Variants in CELF2 observed in about 807,000 individuals in gnomAD.
CELF2 encodes CUG triplet repeat RNA-binding protein 2.
CELF2 carries 8 observed loss-of-function variants against 62.6 expected under a neutral mutation model. The ratio of observed to expected loss-of-function variants is 0.13; its 90% CI spans 0.07 to 0.23. CELF2 has a LOEUF of 0.23. CELF2 is among the 10% of genes least tolerant of loss of function. CELF2 has a pLI of 1.00. For synonymous variants in CELF2, 258 were observed against 250.0 expected (o/e 1.03, Z -0.30); for missense variants, 333 against 671.0 (o/e 0.50, Z 5.56).
chr10:11,241,992 G>A (rs1330488795), intron 3 of CELF2, among the ~76,000 whole-genome samples: 1 of 152,138 alleles, frequency 6.6e-6, no homozygotes, highest in Non-Finnish European at 1.5e-5. Context: ...TGATTTTTGT[G>A]TTGTCATGGA....
At chr10:10,884,123 G>A (rs1056597368) in intron 1 of CELF2, among the ~76,000 whole-genome samples, 2 of 151,984 alleles carry the variant, frequency 1.3e-5, no homozygotes, top group Admixed American at 1.3e-4. Context: ...TGTTTCCATT[G>A]TAAATGGAAA....
rs918631068 is a variant in CELF2, at chr10:11,171,831, C to A, written c.271+6149C>A. 4.6e-4 allele frequency among the ~76,000 whole-genome samples: 65 copies of A among 141,036 alleles called. 1 individual carries two copies. The highest frequency in any genetic ancestry group is 1.7e-3 in the African/African-American group (64 of 37,286). 92.5% of individuals were successfully genotyped at this position (141,036 alleles called of 152,430 possible). ...GGTCTAAAGCGGGTTGATCATCTTA[C>A]AAACCATTTGTTTCTTCTTTAAAAT... On this transcript the variant is annotated intron_variant, in intron 2 of 12. Coordinates refer to ENST00000633077, the MANE Select transcript of CELF2 (RefSeq NM_001326342.2).
At position 10,934,246 on chromosome 10, in the gene CELF2, T is replaced by C. The variant is rs2066401042; in HGVS notation, c.89+14247T>C. Reference sequence around the variant, plus strand: ...AATTCAAAGAGCACGTTAGCAAGGTTAATCTGATGGTAATCTGTAACATCT... The same window carrying C: ...AATTCAAAGAGCACGTTAGCAAGGTCAATCTGATGGTAATCTGTAACATCT... On this transcript the variant is annotated intron_variant, in intron 2 of 13. Transcript: ENST00000636488. The surrounding 1 kb of genome is among the most constrained non-coding windows in gnomAD (Gnocchi z 4.4). Among the ~76,000 whole-genome samples, 1 of 152,232 alleles carries C rather than the reference T, an allele frequency of 6.6e-6. No homozygotes were observed. Among genetic ancestry groups the C allele is most frequent in the Non-Finnish European group, 1.5e-5 (1 of 68,046 alleles).
chr10:10,542,871 T>A, the CELF2 span, among the ~76,000 whole-genome samples: 3 of 152,200 alleles, frequency 2.0e-5, no homozygotes, highest in Non-Finnish European at 4.4e-5. Context: ...CTAGATAGTG[T>A]GTTGGTCTCC....
chr10:10,769,200 T>G, the CELF2 span, among the ~76,000 whole-genome samples: 1 of 152,190 alleles, frequency 6.6e-6, no homozygotes, highest in African/African-American at 2.4e-5. Context: ...CTTTTCCTGA[T>G]GAACTCAAAG....
chr10:10,702,578 T>C, the CELF2 span, among the ~76,000 whole-genome samples: 1 of 152,304 alleles, frequency 6.6e-6, no homozygotes, highest in East Asian at 1.9e-4. Context: ...GTAACAAAAT[T>C]TTATTAGAAC....
chr10:10,959,349 CTTATCAG>C (rs1234331622), intron 2 of CELF2, among the ~76,000 whole-genome samples: 1 of 152,156 alleles, frequency 6.6e-6, no homozygotes, highest in African/African-American at 2.4e-5. Flanking sequence ...GGAATCTGTG[CTTATCAG>C]TTATCAAAGT....
the CELF2 span, among the ~76,000 whole-genome samples, chr10:10,570,529 G>A: frequency 2.6e-5 from 4 of 151,944 alleles, no homozygotes; most frequent in Non-Finnish European, 5.9e-5. Context: ...TTACTAAAAT[G>A]TAAAGAAAAA....
intron 2 of CELF2, among the ~76,000 whole-genome samples, chr10:11,197,720 T>C (rs1189643318): frequency 6.6e-6 from 1 of 152,250 alleles, no homozygotes; most frequent in Non-Finnish European, 1.5e-5. Context: ...CTTCCATCTT[T>C]ATTCCCAAAT....
chr10:10,926,068 G>T (rs1026667229), intron 2 of CELF2, among the ~76,000 whole-genome samples: 4 of 152,106 alleles, frequency 2.6e-5, no homozygotes, highest in Non-Finnish European at 5.9e-5. Flanking sequence ...CCATTGAAAA[G>T]CCTCGGTAGT....
chr10:11,308,572 G>A (rs1285971310), intron 9 of CELF2, among the ~76,000 whole-genome samples: 5 of 152,020 alleles, frequency 3.3e-5, no homozygotes, highest in Non-Finnish European at 7.4e-5. Context: ...TTACTTTTCA[G>A]CCCCAGAATT....
Position 11,021,603 on chromosome 10 carries a change from G to T in CELF2, c.74+3440G>T, listed in dbSNP as rs556666048. On this transcript the variant is annotated intron_variant, in intron 1 of 12. Transcript: ENST00000633077. ...GTTGTTAGTTGAGTGCCTGCCATGCGCCAGGATAGTTTATTCACACCGTCT... is the reference window on the plus strand; with the variant it reads ...GTTGTTAGTTGAGTGCCTGCCATGCTCCAGGATAGTTTATTCACACCGTCT... Among the ~76,000 whole-genome samples, 3 of 152,282 alleles carry T rather than the reference G, an allele frequency of 2.0e-5. No individual in the cohort carries two copies. The South Asian group carries it at 6.2e-4, about 32-fold the overall frequency.
At chr10:10,925,181 C>T (rs1280073746) in intron 2 of CELF2, 1 of 152,166 alleles carries the variant, frequency 6.6e-6, no homozygotes, top group Non-Finnish European at 1.5e-5. Context: ...ATGCCATTTT[C>T]TGAAAGACTT....
chr10:10,720,828 G>A, the CELF2 span, among the ~76,000 whole-genome samples: 75 of 152,268 alleles, frequency 4.9e-4, no homozygotes, highest in South Asian at 1.9e-3. Context: ...GCCTGAGGCC[G>A]TTTTTGCCCT....
At chr10:10,719,654 T>G in the CELF2 span, among the ~76,000 whole-genome samples, 1 of 152,162 alleles carries the variant, frequency 6.6e-6, no homozygotes. Flanking sequence ...CTAGAGCCAA[T>G]TGCTCTTCAC....
At chr10:10,847,784 C>A (rs2059113372) in intron 1 of CELF2, among the ~76,000 whole-genome samples, 1 of 152,176 alleles carries the variant, frequency 6.6e-6, no homozygotes, top group African/African-American at 2.4e-5. Flanking sequence ...TGAGATGAGG[C>A]TTAGCCGTGG....
chr10:11,092,832 A>T (rs912685988), intron 1 of CELF2, among the ~76,000 whole-genome samples: 2 of 152,244 alleles, frequency 1.3e-5, no homozygotes, highest in Non-Finnish European at 2.9e-5. Context: ...CCTGAACCCC[A>T]TCAGCATTCT....
Position 11,244,658 on chromosome 10 carries a change from C to CA in CELF2, c.355-4482dup, listed in dbSNP as rs35750059. Among the ~76,000 whole-genome samples the CA allele has an allele frequency of 0.66, 94,260 of 142,188 alleles. 31,246 individuals are homozygous for CA. The highest frequency in any genetic ancestry group is 0.88 in the East Asian group (4,355 of 4,956). The allele number at this position is 142,188 out of a possible 152,430, so 93.3% of individuals were successfully genotyped here. ...TAGGTGACAGAGCAAGACTCCGTCT[C>CA]AAAAAAAAAAAAACAGCATAAAAAC... On this transcript the variant is annotated intron_variant, in intron 3 of 12. Transcript: ENST00000633077. This position sits in a 1 kb window ranked among gnomAD's most constrained non-coding sequence, Gnocchi z 4.2.
At chr10:11,031,954 A>G (rs1481108104) in intron 1 of CELF2, among the ~76,000 whole-genome samples, 2 of 152,104 alleles carry the variant, frequency 1.3e-5, no homozygotes, top group Non-Finnish European at 2.9e-5. Flanking sequence ...TTGTTGACTC[A>G]ATCACAGTGG....
Sources: gnomAD v4.1 joint callset for allele counts (sites outside exome capture counted in the v4.1 genomes callset) on GRCh38, gnomAD v4.1.1 for gene constraint, Gnocchi (gnomAD v3.1) non-coding constraint, MANE v1.5 for transcripts, NCBI Gene and HGNC (gene_info 2026-07-23, HGNC 2026-07-21) for gene names.